Variants in BTRC observed in about 807,000 individuals in gnomAD.
The protein encoded by BTRC is F-box/WD repeat-containing protein 1A.
A neutral mutation model predicts 85.5 loss-of-function variants in BTRC; 42 were observed. The ratio of observed to expected loss-of-function variants is 0.49; its 90% confidence interval spans 0.38 to 0.64. BTRC has a LOEUF of 0.64. Ranked by LOEUF, BTRC falls within the 30% of genes least tolerant of loss-of-function variation. BTRC has a pLI of 0.00. For synonymous variants in BTRC, 255 were observed against 263.3 expected (o/e 0.97, Z 0.30); for missense variants, 594 against 743.5 (o/e 0.80, Z 2.34).
chr10:101,529,546 A>G (rs1261223346), intron 6 of BTRC, among the ~76,000 whole-genome samples: 1 of 152,234 alleles, frequency 6.6e-6, no homozygotes, highest in Non-Finnish European at 1.5e-5. Context: ...GTAGAATAAT[A>G]TTGTACAGAG....
chr10:101,497,339 T>C (rs1357811808), intron 4 of BTRC, among the ~76,000 whole-genome samples: 2 of 152,224 alleles, frequency 1.3e-5, no homozygotes, highest in Non-Finnish European at 2.9e-5. Flanking sequence ...ATTTACCAGC[T>C]GTGTGATCCA....
At chr10:101,505,177 A>ATAT (rs1344102937) in intron 4 of BTRC, among the ~76,000 whole-genome samples, 6 of 139,402 alleles carry the variant, frequency 4.3e-5, no homozygotes, top group Non-Finnish European at 7.9e-5. Context: ...ATATATATAT[A>ATAT]TTTTTTAGTA....
chr10:101,523,552 T>G (rs1210516360), intron 5 of BTRC, among the ~76,000 whole-genome samples: 10 of 152,302 alleles, frequency 6.6e-5, no homozygotes. Flanking sequence ...TGGTTGTTGT[T>G]TTCCAATTAT....
intron 4 of BTRC, among the ~76,000 whole-genome samples, chr10:101,487,647 C>T (rs747635754): frequency 1.8e-4 from 27 of 152,184 alleles, no homozygotes; most frequent in Non-Finnish European, 3.8e-4. Flanking sequence ...GGTAATCCAT[C>T]TTTGGACTCC....
At chr10:101,504,431 G>A (rs1047594495) in intron 4 of BTRC, among the ~76,000 whole-genome samples, 1 of 151,146 alleles carries the variant, frequency 6.6e-6, no homozygotes, top group Admixed American at 6.6e-5. Context: ...CATCTCTCCT[G>A]TAGCCATCTC....
At chr10:101,484,368 A>G (rs1222747340) in intron 4 of BTRC, among the ~76,000 whole-genome samples, 1 of 152,240 alleles carries the variant, frequency 6.6e-6, no homozygotes. Context: ...ACGAGCACAG[A>G]GTCCCTTTTC....
At chr10:101,411,938 T>C (rs1943791734) in intron 1 of BTRC, among the ~76,000 whole-genome samples, 1 of 152,240 alleles carries the variant, frequency 6.6e-6, no homozygotes, top group Non-Finnish European at 1.5e-5. Context: ...TTAAGCTTTA[T>C]TCTGATAGTT....
intron 4 of BTRC, among the ~76,000 whole-genome samples, chr10:101,507,323 C>T (rs1248366570): frequency 6.6e-6 from 1 of 152,210 alleles, no homozygotes; most frequent in Admixed American, 6.5e-5. Flanking sequence ...CAGGTTTTTA[C>T]TGTCAGAGTT....
At chr10:101,405,136 C>T (rs1246433079) in intron 1 of BTRC, among the ~76,000 whole-genome samples, 1 of 152,020 alleles carries the variant, frequency 6.6e-6, no homozygotes, top group African/African-American at 2.4e-5. Flanking sequence ...GTACAATCTC[C>T]CCAGTACTAT....
intron 13 of BTRC, among the ~76,000 whole-genome samples, chr10:101,540,317 T>A (rs892316698): frequency 1.8e-4 from 27 of 152,174 alleles, no homozygotes; most frequent in Admixed American, 6.5e-5. Context: ...AAGGTGTAGA[T>A]CAAAGGGTTG....
chr10:101,487,965 A>G (rs1946033035), intron 4 of BTRC, among the ~76,000 whole-genome samples: 1 of 152,224 alleles, frequency 6.6e-6, no homozygotes, highest in Non-Finnish European at 1.5e-5. Context: ...AAGTAATGCC[A>G]CAAATATGGT....
intron 1 of BTRC, among the ~76,000 whole-genome samples, chr10:101,397,608 A>C (rs1943396291): frequency 6.6e-6 from 1 of 152,190 alleles, no homozygotes; most frequent in Admixed American, 6.5e-5. Flanking sequence ...TTTGGTAGCA[A>C]ATTTAGAAAG....
intron 1 of BTRC, among the ~76,000 whole-genome samples, chr10:101,362,030 A>G (rs1193428039): frequency 6.6e-6 from 1 of 151,992 alleles, no homozygotes; most frequent in Admixed American, 6.6e-5. Context: ...GCATGATCTC[A>G]GCTCACTGCA....
At chr10:101,377,974 T>G (rs1414926457) in intron 1 of BTRC, among the ~76,000 whole-genome samples, 1 of 152,118 alleles carries the variant, frequency 6.6e-6, no homozygotes, top group Admixed American at 6.6e-5. Flanking sequence ...TGCCTGTAAT[T>G]TTTTTAAAGC....
At chr10:101,443,063 T>A (rs942760338) in intron 2 of BTRC, among the ~76,000 whole-genome samples, 1 of 152,030 alleles carries the variant, frequency 6.6e-6, no homozygotes, top group Non-Finnish European at 1.5e-5. Flanking sequence ...TTTGTATTTT[T>A]AGTAGAGACG....
intron 1 of BTRC, among the ~76,000 whole-genome samples, chr10:101,428,727 G>A (rs541039804): frequency 1.3e-5 from 2 of 152,298 alleles, no homozygotes; most frequent in East Asian, 3.9e-4. Flanking sequence ...TGAGGATAAT[G>A]TATTAAGCGT....
intron 2 of BTRC, among the ~76,000 whole-genome samples, chr10:101,452,191 A>C (rs535934342): frequency 6.6e-6 from 1 of 152,302 alleles, no homozygotes; most frequent in African/African-American, 2.4e-5. Flanking sequence ...GGTGTAGAAG[A>C]CCAGTGCACT....
At chr10:101,491,511 G>A (rs1442624395) in intron 4 of BTRC, among the ~76,000 whole-genome samples, 1 of 152,048 alleles carries the variant, frequency 6.6e-6, no homozygotes. Flanking sequence ...CCTGGCCAAT[G>A]TGCTGAAACC....
intron 13 of BTRC, among the ~76,000 whole-genome samples, chr10:101,544,882 C>G (rs1053025961): frequency 6.6e-6 from 1 of 151,874 alleles, no homozygotes; most frequent in Non-Finnish European, 1.5e-5. Flanking sequence ...CATGGCAACC[C>G]CTTCTCTTCA....
Sources: gnomAD v4.1 joint callset for allele counts (sites outside exome capture counted in the v4.1 genomes callset) on GRCh38, gnomAD v4.1.1 for gene constraint, MANE v1.5 for transcripts, NCBI Gene and HGNC (gene_info 2026-07-23, HGNC 2026-07-21) for gene names.